Variants in SNTG1 observed in about 807,000 individuals in gnomAD.
The protein encoded by SNTG1 is syntrophin gamma 1.
SNTG1 carries 39 observed loss-of-function variants against 74.7 expected under a neutral mutation model. That is an observed-to-expected ratio of 0.52 (90% confidence interval 0.40 to 0.68). The LOEUF (loss-of-function observed/expected upper bound fraction) is 0.68. Ranked by LOEUF, SNTG1 falls within the 30% of genes least tolerant of loss-of-function variation. The pLI, the probability that SNTG1 is intolerant of heterozygous loss-of-function variation, is 0.00. For synonymous variants in SNTG1, 254 were observed against 217.1 expected (o/e 1.17, Z -1.49); for missense variants, 685 against 609.5 (o/e 1.12, Z -1.30).
upstream of SNTG1, chr8:49,911,199 A>C (rs988719319): frequency 6.6e-6 from 1 of 152,324 alleles, no homozygotes; most frequent in South Asian, 2.1e-4. Context: ...CAAAATTTGA[A>C]TGTGGTCCCC....
In SNTG1 at chr8:49,995,948, A is replaced by T. The variant is rs765377787; in HGVS notation, c.-103+83717A>T. 2.0e-5 allele frequency among the ~76,000 whole-genome samples: 3 copies of T among 152,224 alleles called. No individual in the cohort carries two copies. The South Asian group carries it at 6.2e-4, about 32-fold the overall frequency. ...AAGCATAAAAACTGGGTATGTTTTA[A>T]TGAATCTATAACTTCATGCTGATAG... On this transcript the variant is annotated intron_variant, in intron 1 of 18. Transcript: ENST00000642720.
intron 5 of SNTG1, among the ~76,000 whole-genome samples, chr8:50,442,680 TAAAAAAAAAAAAAAAA>T (rs5891365): frequency 1.2e-5 from 1 of 81,196 alleles, no homozygotes; most frequent in Non-Finnish European, 2.3e-5. Context: ...TGTCTATCAG[TAAAAAAAAAAAAAAAA>T]AAAAAAAAAA....
At chr8:50,751,963 A>G in intron 17 of SNTG1, 38 bp from the exon 18 acceptor site, 1 of 1,282,602 alleles carries the variant, frequency 7.8e-7, no homozygotes, top group South Asian at 1.5e-5. Flanking sequence ...GCAGATATTA[A>G]TTCCACCGAC....
At chr8:50,090,648 C>A (rs915606677) in intron 1 of SNTG1, among the ~76,000 whole-genome samples, 1 of 152,096 alleles carries the variant, frequency 6.6e-6, no homozygotes, top group Admixed American at 6.6e-5. Context: ...CAGTGCTCCC[C>A]TTCTCTCAGA....
chr8:50,082,144 A>G (rs1433614398), intron 1 of SNTG1, among the ~76,000 whole-genome samples: 2 of 152,072 alleles, frequency 1.3e-5, no homozygotes, highest in Non-Finnish European at 2.9e-5. Flanking sequence ...GAGTTCCTCT[A>G]TGTGGTGAGA....
At chr8:49,986,905 A>C (rs1215449820) in intron 1 of SNTG1, among the ~76,000 whole-genome samples, 1 of 152,148 alleles carries the variant, frequency 6.6e-6, no homozygotes, top group Non-Finnish European at 1.5e-5. Context: ...AAATATGTAA[A>C]TATAAATAAA....
Position 50,656,950 on chromosome 8 carries a change from C to T in SNTG1, c.891C>T (p.Pro297=), listed in dbSNP as rs746267520. The stretch of plus-strand genomic sequence containing the variant: ...GGTGTGAAGCCCGGGAGCAAGACCC[C>T]CTCCAGGACAGAGTGTACTCCCCGA... The part of the protein sequence containing the change: ...MGWCEAREQD[P]LQDRVYSPTF... The change falls in exon 14 of 19, where the codon CCC becomes CCT. Residue 297 remains proline (P), a synonymous_variant. Coordinates refer to ENST00000642720, the MANE Select transcript of SNTG1 (RefSeq NM_018967.5). 46 of 1,601,702 alleles carry T rather than the reference C, an allele frequency of 2.9e-5. No individual in the cohort carries two copies. Among genetic ancestry groups the T allele is most frequent in the Non-Finnish European group, 3.5e-5 (41 of 1,173,940 alleles).
At chr8:50,228,472 C>T (rs1259150620) in intron 2 of SNTG1, among the ~76,000 whole-genome samples, 1 of 151,690 alleles carries the variant, frequency 6.6e-6, no homozygotes, top group Non-Finnish European at 1.5e-5. Context: ...CCTATCTATT[C>T]CTAGGAATAT....
intron 5 of SNTG1, among the ~76,000 whole-genome samples, chr8:50,444,520 G>C (rs904854089): frequency 2.0e-5 from 3 of 152,120 alleles, no homozygotes; most frequent in Non-Finnish European, 4.4e-5. Flanking sequence ...GGGAAGCCAA[G>C]GCGGGTGGAT....
At chr8:50,416,553 A>G (rs2093016236) in intron 4 of SNTG1, among the ~76,000 whole-genome samples, 1 of 152,110 alleles carries the variant, frequency 6.6e-6, no homozygotes, top group Non-Finnish European at 1.5e-5. Flanking sequence ...GAGTTTGCAG[A>G]TTAGCTAAAT....
chr8:50,578,568 T>A (rs2094590004), intron 12 of SNTG1, among the ~76,000 whole-genome samples: 1 of 152,200 alleles, frequency 6.6e-6, no homozygotes, highest in South Asian at 2.1e-4. Context: ...TTATAGTTCC[T>A]ATAATGCCCA....
chr8:50,497,342 T>C (rs1205981744), intron 8 of SNTG1, among the ~76,000 whole-genome samples: 4 of 152,112 alleles, frequency 2.6e-5, no homozygotes, highest in South Asian at 4.1e-4. Flanking sequence ...TATTCAAAAT[T>C]GATTTTCATA....
At chr8:50,149,027 C>T (rs375953991) in intron 1 of SNTG1, among the ~76,000 whole-genome samples, 3 of 152,146 alleles carry the variant, frequency 2.0e-5, no homozygotes, top group Admixed American at 6.5e-5. Context: ...AGTGTAAAAG[C>T]GTCCCTATTT....
At chr8:50,227,651 T>C (rs2085399754) in intron 2 of SNTG1, among the ~76,000 whole-genome samples, 1 of 151,640 alleles carries the variant, frequency 6.6e-6, no homozygotes, top group Admixed American at 6.6e-5. Flanking sequence ...GCAGCTCCAG[T>C]AAAATATCAG....
intron 9 of SNTG1, among the ~76,000 whole-genome samples, chr8:50,508,377 A>G (rs1235269264): frequency 1.3e-5 from 2 of 152,182 alleles, no homozygotes; most frequent in Admixed American, 6.5e-5. Context: ...GCCACAATAA[A>G]CATACGTGTG....
At chr8:50,271,986 G>C (rs1026343861) in intron 2 of SNTG1, among the ~76,000 whole-genome samples, 1 of 152,102 alleles carries the variant, frequency 6.6e-6, no homozygotes, top group Non-Finnish European at 1.5e-5. Flanking sequence ...GACCAGGTGA[G>C]AGTACAGCTA....
chr8:50,158,756 G>C (rs993635825), intron 1 of SNTG1, among the ~76,000 whole-genome samples: 6 of 151,984 alleles, frequency 3.9e-5, no homozygotes, highest in African/African-American at 1.5e-4. Context: ...TTTTTGCTAT[G>C]ATAAAGATGC....
intron 18 of SNTG1, among the ~76,000 whole-genome samples, chr8:50,781,257 C>T (rs1026925003): frequency 4.6e-5 from 7 of 152,058 alleles, no homozygotes; most frequent in African/African-American, 1.4e-4. Flanking sequence ...CCTGGGTATC[C>T]TTGTTAACTT....
chr8:49,938,283 G>A (rs1027293135), intron 1 of SNTG1, among the ~76,000 whole-genome samples: 4 of 152,146 alleles, frequency 2.6e-5, no homozygotes, highest in African/African-American at 9.7e-5. Context: ...CCAAATAACA[G>A]GATCAGCTCA....
Sources: allele counts gnomAD v4.1 joint callset (sites outside exome capture counted in the v4.1 genomes callset), GRCh38; gene constraint gnomAD v4.1.1; transcripts MANE v1.5; gene names NCBI Gene and HGNC (gene_info 2026-07-23, HGNC 2026-07-21).